Variants in PSEN1 observed in about 807,000 individuals in gnomAD.
The protein encoded by PSEN1 is presenilin 1.
A neutral mutation model predicts 53.5 loss-of-function variants in PSEN1; 15 were observed. That is an observed-to-expected ratio of 0.28 (90% CI 0.19 to 0.43). The LOEUF is 0.43. Among genes scored for constraint, PSEN1 ranks in the 20% least tolerant of loss-of-function variants. The pLI is 1.00. For missense variants in PSEN1, 387 were observed against 571.2 expected, an observed-to-expected ratio of 0.68 and a Z score of 3.29; for synonymous variants, 208 against 209.8, an observed-to-expected ratio of 0.99 and a Z score of 0.08.
intron 5 of PSEN1, chr14:73,173,931 C>A: frequency 1.6e-6 from 1 of 634,756 alleles, no homozygotes; most frequent in Non-Finnish European, 2.8e-6. Context: ...AGGAGGATCA[C>A]TTGGGCCCAG....
At chr14:73,196,771 G>C (rs781506717) in intron 7 of PSEN1, among the ~76,000 whole-genome samples, 1 of 151,768 alleles carries the variant, frequency 6.6e-6, no homozygotes, top group Non-Finnish European at 1.5e-5. Context: ...CACTGTGCCT[G>C]GCAAGACATG....
chr14:73,150,276 GAA>G (rs1476264721), intron 3 of PSEN1, among the ~76,000 whole-genome samples: 1 of 152,092 alleles, frequency 6.6e-6, no homozygotes, highest in South Asian at 2.1e-4. Flanking sequence ...CATTTAATTT[GAA>G]AAGAGACTAG....
intron 7 of PSEN1, among the ~76,000 whole-genome samples, chr14:73,196,801 C>T (rs1898964659): frequency 6.6e-6 from 1 of 152,010 alleles, no homozygotes; most frequent in African/African-American, 2.4e-5. Flanking sequence ...AATGTAAATG[C>T]ATTTAAGTGA....
At chr14:73,195,888 T>TG (rs1898920502) in intron 7 of PSEN1, among the ~76,000 whole-genome samples, 1 of 152,204 alleles carries the variant, frequency 6.6e-6, no homozygotes, top group Non-Finnish European at 1.5e-5. Context: ...CTAAGAAACT[T>TG]GAAGTTTACA....
intron 5 of PSEN1, among the ~76,000 whole-genome samples, chr14:73,180,370 A>G (rs1219610589): frequency 6.6e-6 from 1 of 152,182 alleles, no homozygotes; most frequent in Non-Finnish European, 1.5e-5. Flanking sequence ...GATGTTTTTT[A>G]ATGTTCAAGT....
At chr14:73,183,423 T>G (rs1898288663) in intron 5 of PSEN1, among the ~76,000 whole-genome samples, 1 of 152,090 alleles carries the variant, frequency 6.6e-6, no homozygotes, top group Non-Finnish European at 1.5e-5. Flanking sequence ...TCTCTGGTTT[T>G]CCTAGGCAGA....
At chr14:73,208,570 C>T (rs1017020156) in intron 9 of PSEN1, among the ~76,000 whole-genome samples, 2 of 152,036 alleles carry the variant, frequency 1.3e-5, no homozygotes, top group Non-Finnish European at 2.9e-5. Context: ...GGAGAGGAGA[C>T]CCGGAGTGGG....
chr14:73,184,630 T>A (rs1595020613), intron 5 of PSEN1, among the ~76,000 whole-genome samples: 1 of 122,128 alleles, frequency 8.2e-6, no homozygotes, highest in Admixed American at 8.4e-5. Context: ...ACGGGGCGGC[T>A]GGCCGGGCGG....
Position 73,219,272 on chromosome 14 carries a change from C to G in PSEN1, c.1387C>G (p.His463Asp). ...GCCTTTTATGGACCAATTAGCATTC[C>G]ATCAATTTTATATCTAGCATATTTG... ...VQPFMDQLAF[H>D]QFYI Residue 463 changes from histidine to aspartate, a missense_variant, in exon 12 of 12, where the codon CAT (histidine) becomes GAT (aspartate). Physicochemically the swap from His to Asp is moderately conservative, Grantham distance 81 (BLOSUM62 -1). This residue lies in a region of PSEN1 where 44 missense variants were observed against 106.3 expected (regional missense o/e 0.41). Transcript: ENST00000324501. 1 of 1,613,552 alleles carries G rather than the reference C, an allele frequency of 6.2e-7. No individual in the cohort carries two copies. The highest frequency in any genetic ancestry group is 8.5e-7 in the Non-Finnish European group (1 of 1,179,544).
chr14:73,197,135 G>A (rs919513289), intron 7 of PSEN1, among the ~76,000 whole-genome samples: 6 of 151,914 alleles, frequency 3.9e-5, no homozygotes, highest in East Asian at 1.9e-4. Context: ...GGGTTTCACC[G>A]TGTTAGCCAG....
At chr14:73,174,995 C>G (rs541446557) in intron 5 of PSEN1, among the ~76,000 whole-genome samples, 25 of 152,282 alleles carry the variant, frequency 1.6e-4, no homozygotes, top group Non-Finnish European at 5.9e-5. Context: ...ACAAGTCATG[C>G]ACCTTTTAAG....
At chr14:73,212,398 T>C (rs1482357703) in intron 10 of PSEN1, among the ~76,000 whole-genome samples, 1 of 152,140 alleles carries the variant, frequency 6.6e-6, no homozygotes, top group Non-Finnish European at 1.5e-5. Context: ...CGTGAGCCAC[T>C]GTACCTGGCC....
At chr14:73,193,435 C>G (rs1237836532) in intron 7 of PSEN1, among the ~76,000 whole-genome samples, 1 of 150,878 alleles carries the variant, frequency 6.6e-6, no homozygotes, top group African/African-American at 2.4e-5. Flanking sequence ...TTCCCAGCTA[C>G]TTGAGAGGCT....
chr14:73,183,900 G>C (rs1417377097), intron 5 of PSEN1, among the ~76,000 whole-genome samples: 1 of 147,434 alleles, frequency 6.8e-6, no homozygotes, highest in Non-Finnish European at 1.5e-5. Context: ...CTCACCTCCC[G>C]GGCGGGGCGG....
At chr14:73,197,915 G>A (rs1899019927) in intron 7 of PSEN1, 116 bp from the exon 8 acceptor site, 1 of 641,182 alleles carries the variant, frequency 1.6e-6, no homozygotes, top group South Asian at 1.7e-5. Context: ...GTCTTTTTGT[G>A]TAAAAAGAGA....
chr14:73,139,625 TG>T (rs1594953833), intron 1 of PSEN1, among the ~76,000 whole-genome samples: 1 of 152,076 alleles, frequency 6.6e-6, no homozygotes, highest in East Asian at 1.9e-4. Flanking sequence ...ATGAAACCAA[TG>T]TGAATAATTT....
At chr14:73,184,818 T>G (rs1159061778) in intron 5 of PSEN1, among the ~76,000 whole-genome samples, 7 of 122,378 alleles carry the variant, frequency 5.7e-5, no homozygotes, top group South Asian at 2.9e-4. Context: ...ACGGGGCGGC[T>G]GCCGGGCGGA....
chr14:73,217,117 C>T lies in PSEN1; in HGVS notation c.1130-9C>T. The T allele has an allele frequency of 6.2e-7, 1 of 1,613,902 alleles. No homozygotes were observed. Among genetic ancestry groups the T allele is most frequent in the Non-Finnish European group, 8.5e-7 (1 of 1,179,836 alleles). Reference sequence around the variant, plus strand: ...CAACTTTTTAATATTTGTAACCTTTCCTTTTTAGGGGGAGTAAAACTTGGA... The same window carrying T: ...CAACTTTTTAATATTTGTAACCTTTTCTTTTTAGGGGGAGTAAAACTTGGA... On this transcript the variant is annotated splice_polypyrimidine_tract_variant and intron_variant, in intron 10 of 11. Coordinates refer to ENST00000324501, the MANE Select transcript of PSEN1 (RefSeq NM_000021.4).
chr14:73,181,529 C>T (rs769003980), intron 5 of PSEN1, among the ~76,000 whole-genome samples: 14 of 152,160 alleles, frequency 9.2e-5, no homozygotes, highest in Non-Finnish European at 7.4e-5. Flanking sequence ...GACCCTGAGA[C>T]GAGATGATTG....
Sources: gnomAD v4.1 joint callset for allele counts (sites outside exome capture counted in the v4.1 genomes callset) on GRCh38, gnomAD v4.1.1 for gene constraint, gnomAD v4.1.1 regional missense constraint, MANE v1.5 for transcripts, NCBI Gene and HGNC (gene_info 2026-07-23, HGNC 2026-07-21) for gene names.